The following DNAJC15 variants were observed in gnomAD, a reference collection of about 807,000 sequenced individuals.
DNAJC15 encodes the protein DnaJ heat shock protein family (Hsp40) member C15.
In DNAJC15, 27 loss-of-function variants were observed where a neutral mutation model predicts 22.4. That is an observed-to-expected ratio of 1.20 (90% CI 0.89 to 1.66). The LOEUF (loss-of-function observed/expected upper bound fraction) is 1.66, where lower values mean the gene tolerates loss of function less well. DNAJC15 is among the 40% of genes most tolerant of loss of function. DNAJC15 has a pLI of 0.00. For missense variants in DNAJC15, 208 were observed against 187.1 expected (o/e 1.11, Z -0.65); for synonymous variants, 79 against 63.2 (o/e 1.25, Z -1.19).
chr13:43,114,060 C>G lies in DNAJC15; in HGVS notation c.*6812C>G, dbSNP rs536933879. On this transcript the variant is annotated 3_prime_UTR_variant, in exon 6 of 6. Transcript: ENST00000379221. ...TTGTAAGCAGAGATTTTTTAAAATC[C>G]AATATGTGAAAATACGGATGCACTA... The G allele has an allele frequency of 6.6e-5, 10 of 152,106 alleles. No individual in the cohort carries two copies. Among genetic ancestry groups the G allele is most frequent in the South Asian group, 4.1e-4 (2 of 4,820 alleles). 9.4% of individuals were successfully genotyped at this position (152,106 alleles called of 1,614,324 possible).
At chr13:43,083,948 A>T (rs1435810571) in intron 4 of DNAJC15, among the ~76,000 whole-genome samples, 1 of 152,206 alleles carries the variant, frequency 6.6e-6, no homozygotes. Context: ...TTATGTGCCT[A>T]CTCAGCAATT....
At position 43,108,918 on chromosome 13, in the gene DNAJC15, C is replaced by T. The variant is rs1233413932; in HGVS notation, c.*1670C>T. ...TTGCTTTAAAGTCCCCATACGTGTC[C>T]TACTAATTTTCTCATGCTTTAGTGT... On this transcript the variant is annotated 3_prime_UTR_variant, in exon 6 of 6. Transcript: ENST00000379221. The T allele has an allele frequency of 6.6e-6, 1 of 152,142 alleles. No individual in the cohort carries two copies. The highest frequency in any genetic ancestry group is 1.9e-4 in the East Asian group (1 of 5,206). The allele number at this position is 152,142 out of a possible 1,614,324, so 9.4% of individuals were successfully genotyped here.
In DNAJC15 at chr13:43,108,884, A is replaced by G. The variant is rs11346; in HGVS notation, c.*1636A>G. ...TTGATGGAACCTTGAAGTCGATAAA[A>G]TATATTTCTTGCTTTAAAGTCCCCA... On this transcript the variant is annotated 3_prime_UTR_variant, in exon 6 of 6. Coordinates refer to ENST00000379221, the MANE Select transcript of DNAJC15 (RefSeq NM_013238.3). 0.22 allele frequency: 33,702 copies of G among 152,136 alleles called. 4,463 individuals are homozygous for G. The highest frequency in any genetic ancestry group is 0.31 in the Non-Finnish European group (20,739 of 67,950). The allele number at this position is 152,136 out of a possible 1,614,324, so 9.4% of individuals were successfully genotyped here. A position where few individuals can be genotyped will look rare whatever the true frequency, so the allele number is the denominator to read the frequency against.
At chr13:43,036,910 G>A (rs2040431527) in intron 1 of DNAJC15, among the ~76,000 whole-genome samples, 1 of 152,272 alleles carries the variant, frequency 6.6e-6, no homozygotes, top group Non-Finnish European at 1.5e-5. Flanking sequence ...GATGCCGTGA[G>A]TCGGGAGAGG....
intron 1 of DNAJC15, among the ~76,000 whole-genome samples, chr13:43,058,223 A>G (rs2040540866): frequency 6.6e-6 from 1 of 152,044 alleles, no homozygotes; most frequent in South Asian, 2.1e-4. Flanking sequence ...TCTAGCCAGG[A>G]GGTAGAGCTT....
chr13:43,101,355 C>G (rs142498281), intron 5 of DNAJC15, among the ~76,000 whole-genome samples: 2 of 152,160 alleles, frequency 1.3e-5, no homozygotes, highest in African/African-American at 4.8e-5. Flanking sequence ...TAATCCGGTG[C>G]GACAGCCTTT....
At chr13:43,036,692 T>C (rs983939931) in intron 1 of DNAJC15, among the ~76,000 whole-genome samples, 14 of 152,156 alleles carry the variant, frequency 9.2e-5, no homozygotes, top group African/African-American at 3.1e-4. Context: ...GCACCCTGGC[T>C]CTAGAGGCTG....
At chr13:43,088,289 A>T (rs1439683798) in intron 5 of DNAJC15, among the ~76,000 whole-genome samples, 4 of 152,250 alleles carry the variant, frequency 2.6e-5, no homozygotes, top group African/African-American at 9.6e-5. Context: ...AATGTTTAAA[A>T]TATTTAAAAA....
chr13:43,075,248 C>G (rs762544839), intron 3 of DNAJC15, among the ~76,000 whole-genome samples: 1 of 152,054 alleles, frequency 6.6e-6, no homozygotes, highest in Admixed American at 6.5e-5. Context: ...AACTTCTTCC[C>G]GACACTAGAT....
intron 1 of DNAJC15, among the ~76,000 whole-genome samples, chr13:43,029,806 A>G (rs1418539744): frequency 6.6e-6 from 1 of 152,068 alleles, no homozygotes; most frequent in East Asian, 1.9e-4. Flanking sequence ...GATATTCTTT[A>G]TAGATGGGGA....
chr13:43,062,971 G>A (rs1434258899), intron 1 of DNAJC15, among the ~76,000 whole-genome samples: 32 of 151,640 alleles, frequency 2.1e-4, no homozygotes, highest in Admixed American at 2.0e-3. Flanking sequence ...CATCTACCTC[G>A]GCTTCCCAAA....
At chr13:43,029,238 AT>A (rs1185291340) in intron 1 of DNAJC15, among the ~76,000 whole-genome samples, 7 of 152,344 alleles carry the variant, frequency 4.6e-5, no homozygotes, top group African/African-American at 1.7e-4. Context: ...ATGTTTATAT[AT>A]TTATATGGTA....
At chr13:43,098,859 T>A (rs1227055688) in intron 5 of DNAJC15, among the ~76,000 whole-genome samples, 2 of 152,214 alleles carry the variant, frequency 1.3e-5, no homozygotes, top group Non-Finnish European at 2.9e-5. Context: ...TGTAGAATTG[T>A]TTTGGCTATT....
At chr13:43,041,113 A>C (rs377639876) in intron 1 of DNAJC15, among the ~76,000 whole-genome samples, 1 of 152,156 alleles carries the variant, frequency 6.6e-6, no homozygotes, top group East Asian at 1.9e-4. Flanking sequence ...GGGGACGGTC[A>C]GGTCTTTCCC....
chr13:43,093,321 C>G (rs928383679), intron 5 of DNAJC15, among the ~76,000 whole-genome samples: 1 of 152,058 alleles, frequency 6.6e-6, no homozygotes, highest in Non-Finnish European at 1.5e-5. Context: ...TTTTTTGTCT[C>G]AGACCGAAAA....
At chr13:43,080,921 T>G (rs1288393661) in intron 4 of DNAJC15, among the ~76,000 whole-genome samples, 1 of 152,230 alleles carries the variant, frequency 6.6e-6, no homozygotes, top group East Asian at 1.9e-4. Flanking sequence ...ATGTTGATTA[T>G]GACAAGATAA....
At chr13:43,066,053 T>G (rs1413152011) in intron 2 of DNAJC15, among the ~76,000 whole-genome samples, 1 of 152,172 alleles carries the variant, frequency 6.6e-6, no homozygotes, top group African/African-American at 2.4e-5. Flanking sequence ...GTAAGTGGCA[T>G]GGAGTGCCTT....
intron 4 of DNAJC15, among the ~76,000 whole-genome samples, chr13:43,085,343 A>G (rs2040682322): frequency 7.6e-6 from 1 of 131,902 alleles, no homozygotes; most frequent in African/African-American, 3.0e-5. Context: ...CCTGGGCAAC[A>G]GAGCAAGACT....
At chr13:43,024,196 C>T (rs1395039351) in intron 1 of DNAJC15, among the ~76,000 whole-genome samples, 1 of 152,028 alleles carries the variant, frequency 6.6e-6, no homozygotes, top group African/African-American at 2.4e-5. Flanking sequence ...CTACTGTCTC[C>T]AAAGTCTCCG....
Sources: gnomAD v4.1 joint callset for allele counts (sites outside exome capture counted in the v4.1 genomes callset) on GRCh38, gnomAD v4.1.1 for gene constraint, MANE v1.5 for transcripts, NCBI Gene and HGNC (gene_info 2026-07-23, HGNC 2026-07-21) for gene names.